The following PIGB variants were observed in gnomAD, a reference collection of about 807,000 sequenced individuals.
The protein encoded by PIGB is phosphatidylinositol glycan anchor biosynthesis class B.
PIGB carries 58 observed loss-of-function variants against 68.4 expected under a neutral mutation model. The ratio of observed to expected loss-of-function variants is 0.85; its 90% CI spans 0.69 to 1.06. The LOEUF (loss-of-function observed/expected upper bound fraction) is 1.06. PIGB is among the 50% of genes least tolerant of loss of function. PIGB has a pLI of 0.00. For missense variants in PIGB, 634 were observed against 655.8 expected (o/e 0.97, Z 0.36); for synonymous variants, 219 against 220.5 (o/e 0.99, Z 0.06).
chr15:55,325,117 A>T (rs2055251104), intron 3 of PIGB, among the ~76,000 whole-genome samples: 1 of 152,014 alleles, frequency 6.6e-6, no homozygotes, highest in Non-Finnish European at 1.5e-5. Context: ...ACCTGAGGTC[A>T]GGAGTTCGAG....
At chr15:55,342,030 A>T (rs2141202657) in intron 9 of PIGB, among the ~76,000 whole-genome samples, 1 of 152,304 alleles carries the variant, frequency 6.6e-6, no homozygotes, top group Middle Eastern at 3.4e-3. Flanking sequence ...AGTGGTGTGC[A>T]CTTTTAATCC....
chr15:55,333,279 C>T (rs2055460164), intron 5 of PIGB, among the ~76,000 whole-genome samples: 1 of 152,094 alleles, frequency 6.6e-6, no homozygotes, highest in East Asian at 1.9e-4. Context: ...ACCCAGAAAG[C>T]GTAAGTAACC....
chr15:55,321,702 G>C (rs2055170377), intron 3 of PIGB, among the ~76,000 whole-genome samples: 1 of 138,700 alleles, frequency 7.2e-6, no homozygotes, highest in South Asian at 2.3e-4. Flanking sequence ...GCCTAGGCTG[G>C]AGTGCAATGG....
At chr15:55,336,502 A>G (rs1305865093) in intron 6 of PIGB, among the ~76,000 whole-genome samples, 1 of 152,250 alleles carries the variant, frequency 6.6e-6, no homozygotes, top group Non-Finnish European at 1.5e-5. Context: ...CGCTTACATT[A>G]GCCTACAGTT....
intron 3 of PIGB, 76 bp downstream of exon 3, chr15:55,321,466 C>A: frequency 8.1e-7 from 1 of 1,232,222 alleles, no homozygotes; most frequent in South Asian, 1.5e-5. Flanking sequence ...TTGCTGAAGT[C>A]CAGCCATATC....
intron 6 of PIGB, among the ~76,000 whole-genome samples, chr15:55,337,989 T>C (rs772455370): frequency 6.6e-6 from 1 of 152,172 alleles, no homozygotes; most frequent in Admixed American, 6.5e-5. Flanking sequence ...GAAATTAGGA[T>C]AGTGGTTACC....
Position 55,341,747 on chromosome 15 carries a change from C to T in PIGB, c.1068C>T (p.Ser356=), listed in dbSNP as rs1388950250. Residue 356 remains serine (S), a synonymous_variant, in exon 9 of 12, where the codon AGC becomes AGT. Coordinates refer to ENST00000164305, the MANE Select transcript of PIGB (RefSeq NM_004855.5). ...TTTGTTTTTATTACAGCATGTTGAG[C>T]CACAAAGAATTCAGGTTTATTTATC... is the stretch of plus-strand genomic sequence containing the variant. The part of the protein sequence containing the change: ...LWTLLVYSML[S]HKEFRFIYPV... 2.1e-6 allele frequency: 3 copies of T among 1,428,924 alleles called. No homozygotes were observed. Among genetic ancestry groups the T allele is most frequent in the African/African-American group, 2.9e-5 (2 of 69,836 alleles). 88.5% of individuals were successfully genotyped at this position (1,428,924 alleles called of 1,614,324 possible).
chr15:55,334,042 T>G (rs1286482143), intron 6 of PIGB, 35 bp downstream of exon 6: 1 of 1,472,854 alleles, frequency 6.8e-7, no homozygotes, highest in East Asian at 2.5e-5. Context: ...TTTATTTTAG[T>G]AGCCTACAAA....
chr15:55,322,554 G>C (rs1013301713), intron 3 of PIGB, among the ~76,000 whole-genome samples: 2 of 152,292 alleles, frequency 1.3e-5, no homozygotes, highest in Admixed American at 6.5e-5. Context: ...ATTTCTGTCA[G>C]TGGGGGTTAA....
intron 10 of PIGB, among the ~76,000 whole-genome samples, chr15:55,353,227 A>G (rs913388985): frequency 6.6e-6 from 1 of 152,206 alleles, no homozygotes; most frequent in Non-Finnish European, 1.5e-5. Context: ...CCTATTTTGC[A>G]TCAGACTTGG....
intron 6 of PIGB, among the ~76,000 whole-genome samples, chr15:55,334,797 G>A (rs1384802678): frequency 1.3e-5 from 2 of 152,172 alleles, no homozygotes; most frequent in African/African-American, 4.8e-5. Context: ...TCACTTCACT[G>A]CAGCCTCCGC....
chr15:55,322,184 G>A (rs527357970), intron 3 of PIGB, among the ~76,000 whole-genome samples: 3 of 151,640 alleles, frequency 2.0e-5, no homozygotes, highest in South Asian at 2.1e-4. Context: ...CCCATCCCCC[G>A]CAAAAAAAGT....
At chr15:55,352,607 T>G (rs186459234) in intron 10 of PIGB, among the ~76,000 whole-genome samples, 147 of 152,194 alleles carry the variant, frequency 9.7e-4, no homozygotes, top group African/African-American at 3.2e-3. Context: ...GGCCACATGG[T>G]GAACCCCTGA....
intron 3 of PIGB, among the ~76,000 whole-genome samples, chr15:55,326,787 C>T (rs1176982366): frequency 6.6e-6 from 1 of 152,054 alleles, no homozygotes; most frequent in Admixed American, 6.6e-5. Flanking sequence ...CAGTGAGCCG[C>T]GGTTGCGCCA....
At chr15:55,352,314 C>T (rs1259139646) in intron 10 of PIGB, among the ~76,000 whole-genome samples, 2 of 152,120 alleles carry the variant, frequency 1.3e-5, no homozygotes, top group African/African-American at 4.8e-5. Flanking sequence ...GGGAATGCGA[C>T]TAGATGATAT....
intron 3 of PIGB, among the ~76,000 whole-genome samples, chr15:55,322,866 T>A (rs1215586716): frequency 6.6e-6 from 1 of 152,192 alleles, no homozygotes; most frequent in Admixed American, 6.5e-5. Context: ...ATGCAAGGTA[T>A]CCATAAAGTC....
At chr15:55,320,450 T>C (rs1439151535) in intron 2 of PIGB, 40 bp downstream of exon 2, 1 of 1,586,058 alleles carries the variant, frequency 6.3e-7, no homozygotes, top group Non-Finnish European at 8.6e-7. Context: ...TGAGTGTGTA[T>C]TCATCTTGGA....
chr15:55,328,223 G>A (rs1170272033), intron 4 of PIGB, among the ~76,000 whole-genome samples: 2 of 152,156 alleles, frequency 1.3e-5, no homozygotes, highest in Non-Finnish European at 2.9e-5. Flanking sequence ...TTCAAGGTGG[G>A]AAGATAGATT....
chr15:55,348,562 T>C (rs1435621962), intron 9 of PIGB: 1 of 154,718 alleles, frequency 6.5e-6, no homozygotes, highest in Non-Finnish European at 1.4e-5. Context: ...TTAGGTTCCA[T>C]GAGAGTTCCC....
Sources: gnomAD v4.1 joint callset for allele counts (sites outside exome capture counted in the v4.1 genomes callset) on GRCh38, gnomAD v4.1.1 for gene constraint, MANE v1.5 for transcripts, NCBI Gene and HGNC (gene_info 2026-07-23, HGNC 2026-07-21) for gene names.